The following KIAA1217 variants were observed in gnomAD, a reference collection of about 807,000 sequenced individuals.
KIAA1217 encodes sickle tail protein homolog.
In KIAA1217, 88 loss-of-function variants were observed where a neutral mutation model predicts 163.9. That is an observed-to-expected ratio of 0.54 (90% CI 0.45 to 0.64). KIAA1217 has a LOEUF of 0.64. Ranked by LOEUF, KIAA1217 falls within the 30% of genes least tolerant of loss-of-function variation. KIAA1217 has a pLI of 0.00. For synonymous variants in KIAA1217, 903 were observed against 923.1 expected, an observed-to-expected ratio of 0.98 and a Z score of 0.39; for missense variants, 2,372 against 2,475.0, an observed-to-expected ratio of 0.96 and a Z score of 0.88.
chr10:24,093,905 G>A (rs892306305), intron 2 of KIAA1217, among the ~76,000 whole-genome samples: 1 of 149,232 alleles, frequency 6.7e-6, no homozygotes, highest in Middle Eastern at 3.5e-3. Context: ...GCGGTGTTTG[G>A]TTTTTTGTTC....
chr10:23,716,262 A>G, intron 1 of KIAA1217, among the ~76,000 whole-genome samples: 1 of 152,164 alleles, frequency 6.6e-6, no homozygotes, highest in Admixed American at 6.6e-5. Context: ...ATTTAAATCT[A>G]TCTAAAACCA....
At chr10:23,801,778 G>T (rs574633968) in intron 1 of KIAA1217, among the ~76,000 whole-genome samples, 1 of 152,296 alleles carries the variant, frequency 6.6e-6, no homozygotes, top group East Asian at 1.9e-4. Context: ...AGGTCACATA[G>T]GTGATAGTGA....
At chr10:23,790,544 CATATATACATATGTACATATGT>C (rs1419110405) in intron 1 of KIAA1217, among the ~76,000 whole-genome samples, 1 of 93,564 alleles carries the variant, frequency 1.1e-5, no homozygotes, top group African/African-American at 8.2e-5. Context: ...TATACATGTG[CATATATACATATGTACATATGT>C]ATATATACAT....
chr10:24,251,310 G>A (rs1303096005), intron 2 of KIAA1217, among the ~76,000 whole-genome samples: 87 of 150,044 alleles, frequency 5.8e-4, no homozygotes, highest in Non-Finnish European at 4.4e-5. Flanking sequence ...TAAGATGGGA[G>A]GATCCCTTGA....
Position 24,402,516 on chromosome 10 carries a change from C to CAAAAA in KIAA1217, c.553+21451_553+21455dup, listed in dbSNP as rs372012492. Among the ~76,000 whole-genome samples, 433 of 92,842 alleles carry CAAAAA rather than the reference C, an allele frequency of 4.7e-3. 15 individuals are homozygous for CAAAAA. The highest frequency in any genetic ancestry group is 0.014 in the African/African-American group (313 of 22,952). 60.9% of individuals were successfully genotyped at this position (92,842 alleles called of 152,430 possible). On this transcript the variant is annotated intron_variant, in intron 3 of 20. Coordinates refer to ENST00000376454, the MANE Select transcript of KIAA1217 (RefSeq NM_019590.5). ...AAGGCAAGACTCCCTCTCAAAAAAA[C>CAAAAA]AAAAAACAAAACAAAAAAAAAAAAA...
At chr10:23,870,012 A>G (rs1352676070) in intron 1 of KIAA1217, among the ~76,000 whole-genome samples, 1 of 152,182 alleles carries the variant, frequency 6.6e-6, no homozygotes, top group African/African-American at 2.4e-5. Flanking sequence ...TTTCATAAAT[A>G]TATTTTTGGT....
At chr10:24,104,272 T>C (rs553331856) in intron 2 of KIAA1217, among the ~76,000 whole-genome samples, 2 of 152,252 alleles carry the variant, frequency 1.3e-5, no homozygotes, top group East Asian at 3.9e-4. Flanking sequence ...AATGATGTCC[T>C]CCAGTAAGTG....
intron 2 of KIAA1217, among the ~76,000 whole-genome samples, chr10:24,048,287 G>C (rs1849192896): frequency 1.3e-5 from 2 of 152,160 alleles, no homozygotes; most frequent in Admixed American, 1.3e-4. Flanking sequence ...AGTAGCCACT[G>C]TACAAATGAA....
chr10:23,820,490 GTTC>G, intron 1 of KIAA1217, among the ~76,000 whole-genome samples: 1 of 152,172 alleles, frequency 6.6e-6, no homozygotes, highest in South Asian at 2.1e-4. Flanking sequence ...ATATTCTATT[GTTC>G]ACTGAATACC....
chr10:24,545,672 A>C, intron 20 of KIAA1217, 155 bp from the exon 21 acceptor site: 1 of 1,446,874 alleles, frequency 6.9e-7, no homozygotes, highest in Non-Finnish European at 9.1e-7. Context: ...TACCAGGTCC[A>C]GTAGAGCACA....
chr10:23,728,937 C>T (rs1422368983), intron 1 of KIAA1217, among the ~76,000 whole-genome samples: 1 of 152,168 alleles, frequency 6.6e-6, no homozygotes, highest in Admixed American at 6.6e-5. Context: ...CTAGAATATC[C>T]TCCGTGCTGC....
intron 3 of KIAA1217, among the ~76,000 whole-genome samples, chr10:24,402,529 A>AAAC (rs1554849357): frequency 0.031 from 2,565 of 83,174 alleles, 187 homozygotes; most frequent in East Asian, 0.29. Flanking sequence ...AAAACAAAAC[A>AAAC]AAAAAAAAAA....
chr10:24,097,509 C>T (rs981291998), intron 2 of KIAA1217, among the ~76,000 whole-genome samples: 3 of 152,074 alleles, frequency 2.0e-5, no homozygotes, highest in African/African-American at 4.8e-5. Flanking sequence ...CATCACTGCA[C>T]TCCAGCCTGG....
intron 4 of KIAA1217, 43 bp from the exon 5 acceptor site, chr10:24,438,343 G>A: frequency 7.1e-7 from 1 of 1,412,746 alleles, no homozygotes; most frequent in Non-Finnish European, 1.0e-6. Context: ...GCCAAAGTCA[G>A]GCTTCTTTCA....
chr10:24,459,505 C>T (rs1355545017), intron 5 of KIAA1217, among the ~76,000 whole-genome samples: 1 of 152,200 alleles, frequency 6.6e-6, no homozygotes, highest in Non-Finnish European at 1.5e-5. Context: ...CCTTTTCCCT[C>T]ATCAGCCTTA....
chr10:23,803,481 G>A (rs1047853483), intron 1 of KIAA1217, among the ~76,000 whole-genome samples: 2 of 152,188 alleles, frequency 1.3e-5, no homozygotes, highest in Non-Finnish European at 2.9e-5. Context: ...CAGCCCCATC[G>A]CTTCTTATGA....
Position 23,758,606 on chromosome 10 carries a change from C to CTCTTTCTT in KIAA1217, c.-321+63381_-321+63388dup, listed in dbSNP as rs539030600. Among the ~76,000 whole-genome samples the CTCTTTCTT allele has an allele frequency of 3.9e-4, 57 of 145,422 alleles. No homozygotes were observed. In the South Asian group the frequency reaches 0.012, roughly 31 times the overall value. ...TTCTTGATTTTCTCTCTTTTCTTTT[C>CTCTTTCTT]TCTTTCTTTCTTTCTTACTTTCTCT... On this transcript the variant is annotated intron_variant, in intron 1 of 18. Coordinates refer to the KIAA1217 transcript ENST00000376462.
intron 6 of KIAA1217, among the ~76,000 whole-genome samples, chr10:24,489,014 C>A (rs529933493): frequency 1.3e-5 from 2 of 152,252 alleles, no homozygotes; most frequent in African/African-American, 4.8e-5. Context: ...ACTCTTTGGC[C>A]ATGTAACACT....
intron 2 of KIAA1217, among the ~76,000 whole-genome samples, chr10:24,134,409 A>G (rs963903813): frequency 2.6e-5 from 4 of 152,240 alleles, no homozygotes; most frequent in African/African-American, 9.6e-5. Context: ...GGGCAAAAGC[A>G]TAAGATATGC....
Sources: gnomAD v4.1 joint callset for allele counts (sites outside exome capture counted in the v4.1 genomes callset) on GRCh38, gnomAD v4.1.1 for gene constraint, MANE v1.5 for transcripts, NCBI Gene and HGNC (gene_info 2026-07-23, HGNC 2026-07-21) for gene names.